FBXO25: variants seen among roughly 807,000 people sequenced by gnomAD.
The protein encoded by FBXO25 is F-box protein 25.
In FBXO25, 45 loss-of-function variants were observed where a neutral mutation model predicts 51.9. The observed-to-expected ratio is 0.87, with a 90% CI of 0.68 to 1.11. The LOEUF (loss-of-function observed/expected upper bound fraction) is 1.11. Among genes scored for constraint, FBXO25 ranks in the 50% most tolerant of loss-of-function variants. The pLI, the probability that FBXO25 is intolerant of heterozygous loss-of-function variation, is 0.00. For missense variants in FBXO25, 507 were observed against 428.5 expected (o/e 1.18, Z -1.62); for synonymous variants, 199 against 151.0 (o/e 1.32, Z -2.33).
At chr8:449,570 G>C (rs2116713472) in intron 5 of FBXO25, among the ~76,000 whole-genome samples, 1 of 152,286 alleles carries the variant, frequency 6.6e-6, no homozygotes, top group South Asian at 2.1e-4. Flanking sequence ...CTGATTGTCT[G>C]TTCAGCAAAC....
At chr8:450,115 A>T (rs1486345354) in intron 6 of FBXO25, 32 bp downstream of exon 6, 1 of 1,490,334 alleles carries the variant, frequency 6.7e-7, no homozygotes, top group Non-Finnish European at 9.2e-7. Flanking sequence ...TAATACTCTA[A>T]ATCTTAATTA....
intron 4 of FBXO25, among the ~76,000 whole-genome samples, chr8:434,361 G>A (rs974914647): frequency 2.0e-4 from 31 of 152,190 alleles, no homozygotes; most frequent in Non-Finnish European, 3.4e-4. Flanking sequence ...CTGCACCATC[G>A]TGTGGAATAT....
intron 2 of FBXO25, among the ~76,000 whole-genome samples, chr8:413,616 C>G (rs1796618812): frequency 6.6e-6 from 1 of 152,200 alleles, no homozygotes; most frequent in Non-Finnish European, 1.5e-5. Context: ...TTGCTCGTAA[C>G]ATTGTCAAGG....
chr8:420,302 G>T (rs1797071525), intron 2 of FBXO25: 1 of 152,322 alleles, frequency 6.6e-6, no homozygotes, highest in African/African-American at 2.4e-5. Context: ...GGCAAGGACA[G>T]TGCCAAGTGC....
At chr8:463,917 T>G (rs188885818) in intron 9 of FBXO25, among the ~76,000 whole-genome samples, 1 of 152,230 alleles carries the variant, frequency 6.6e-6, no homozygotes, top group African/African-American at 2.4e-5. Flanking sequence ...GCCTCTCAAG[T>G]AGCTGGGACT....
chr8:418,998 C>T (rs1309620136), intron 2 of FBXO25, among the ~76,000 whole-genome samples: 4 of 152,080 alleles, frequency 2.6e-5, no homozygotes, highest in Admixed American at 2.0e-4. Context: ...ACACAAAAAC[C>T]ACAAGCTGTG....
At chr8:447,801 C>G (rs1032151095) in intron 5 of FBXO25, among the ~76,000 whole-genome samples, 2 of 152,172 alleles carry the variant, frequency 1.3e-5, no homozygotes, top group African/African-American at 4.8e-5. Flanking sequence ...GAATTTTCCA[C>G]TTGTGGCATC....
chr8:451,179 A>G (rs185626344), intron 6 of FBXO25, 90 bp from the exon 7 acceptor site: 12 of 1,078,004 alleles, frequency 1.1e-5, no homozygotes, highest in Middle Eastern at 2.3e-4. Flanking sequence ...CTGTTCGTCT[A>G]TCAGTGGACA....
At chr8:444,250 T>G (rs1373548201) in intron 5 of FBXO25, among the ~76,000 whole-genome samples, 2 of 152,210 alleles carry the variant, frequency 1.3e-5, no homozygotes, top group Non-Finnish European at 2.9e-5. Context: ...TATTTTGTAG[T>G]AAGGCTGACT....
chr8:458,100 C>G (rs906614697), intron 7 of FBXO25, among the ~76,000 whole-genome samples: 1 of 152,206 alleles, frequency 6.6e-6, no homozygotes, highest in Admixed American at 6.5e-5. Context: ...GATGCTGACG[C>G]ACACCTGTCG....
chr8:430,931 G>A (rs562373566), intron 2 of FBXO25, among the ~76,000 whole-genome samples: 5 of 152,312 alleles, frequency 3.3e-5, no homozygotes, highest in Non-Finnish European at 5.9e-5. Flanking sequence ...TATATAGGGA[G>A]TAAACAGAAA....
chr8:422,275 T>C (rs1585018019), intron 2 of FBXO25, among the ~76,000 whole-genome samples: 1 of 152,252 alleles, frequency 6.6e-6, no homozygotes, highest in Non-Finnish European at 1.5e-5. Context: ...TGTGGTGTGG[T>C]GCTGTGTGAA....
intron 1 of FBXO25, among the ~76,000 whole-genome samples, chr8:407,706 C>T (rs941274207): frequency 6.6e-6 from 1 of 152,140 alleles, no homozygotes; most frequent in Non-Finnish European, 1.5e-5. Context: ...CCCCTCATTC[C>T]TCCAGGCCAC....
At chr8:446,019 C>A (rs1390211772) in intron 5 of FBXO25, among the ~76,000 whole-genome samples, 6 of 152,110 alleles carry the variant, frequency 3.9e-5, no homozygotes, top group African/African-American at 1.2e-4. Flanking sequence ...ATGTCTCACA[C>A]CTTGGCACAC....
chr8:468,880 G>C lies in FBXO25; in HGVS notation c.*76G>C. ...AGGGCTCATAGTGAGTGTTCTGTGA[G>C]GTGGGTGGAGACTCCTCGGAAGCCC... On this transcript the variant is annotated 3_prime_UTR_variant, in exon 10 of 10. Coordinates refer to ENST00000350302, the MANE Select transcript of FBXO25 (RefSeq NM_183420.2). 1 of 1,418,990 alleles carries C rather than the reference G, an allele frequency of 7.0e-7. No homozygotes were observed. The highest frequency in any genetic ancestry group is 1.4e-5 in the African/African-American group (1 of 70,480). 87.9% of individuals were successfully genotyped at this position (1,418,990 alleles called of 1,614,324 possible).
At chr8:459,021 G>A (rs546344342) in intron 8 of FBXO25, among the ~76,000 whole-genome samples, 4 of 152,296 alleles carry the variant, frequency 2.6e-5, no homozygotes, top group Admixed American at 1.3e-4. Context: ...GGGAGTGCAC[G>A]TGGGGCAGCA....
chr8:463,932 G>C (rs1799982478), intron 9 of FBXO25, among the ~76,000 whole-genome samples: 1 of 152,058 alleles, frequency 6.6e-6, no homozygotes, highest in African/African-American at 2.4e-5. Context: ...GGGACTACAG[G>C]CAGGTGCTAC....
At chr8:457,493 G>C (rs150259719) in intron 7 of FBXO25, among the ~76,000 whole-genome samples, 195 of 152,326 alleles carry the variant, frequency 1.3e-3, no homozygotes, top group African/African-American at 4.5e-3. Context: ...GTGTGTGAGG[G>C]AGAAATGGTT....
chr8:461,481 G>A (rs1799805078), intron 8 of FBXO25, among the ~76,000 whole-genome samples: 1 of 152,158 alleles, frequency 6.6e-6, no homozygotes, highest in African/African-American at 2.4e-5. Flanking sequence ...CAGATCTTGT[G>A]AGACTTATTC....
Sources: gnomAD v4.1 joint callset for allele counts (sites outside exome capture counted in the v4.1 genomes callset) on GRCh38, gnomAD v4.1.1 for gene constraint, MANE v1.5 for transcripts, NCBI Gene and HGNC (gene_info 2026-07-23, HGNC 2026-07-21) for gene names.